The following CPSF4L variants were observed in gnomAD, a reference collection of about 807,000 sequenced individuals.
CPSF4L encodes the protein cleavage and polyadenylation specific factor 4 like, also known as putative cleavage and polyadenylation specificity factor subunit 4-like protein.
In CPSF4L, 18 loss-of-function variants were observed where a neutral mutation model predicts 24.0. The observed-to-expected ratio is 0.75, with a 90% confidence interval of 0.52 to 1.11. The LOEUF (loss-of-function observed/expected upper bound fraction) is 1.11. CPSF4L is among the 50% of genes least tolerant of loss of function. The pLI is 0.00. For synonymous variants in CPSF4L, 72 were observed against 77.2 expected, an observed-to-expected ratio of 0.93 and a Z score of 0.35; for missense variants, 211 against 221.8, an observed-to-expected ratio of 0.95 and a Z score of 0.31.
chr17:73,247,253 G>A (rs976601221), downstream of CPSF4L: 54 of 1,614,096 alleles, frequency 3.3e-5, no homozygotes, highest in Non-Finnish European at 3.9e-5. Flanking sequence ...AAATTGTGCC[G>A]ACCCCTGCCC....
At chr17:73,261,515 G>T (rs966456505) in intron 1 of CPSF4L, among the ~76,000 whole-genome samples, 52 of 152,210 alleles carry the variant, frequency 3.4e-4, no homozygotes, top group African/African-American at 1.1e-3. Flanking sequence ...CAAAAAATCA[G>T]CTGGGCGTGG....
chr17:73,261,449 C>T (rs1456943599), intron 1 of CPSF4L, among the ~76,000 whole-genome samples: 1 of 152,200 alleles, frequency 6.6e-6, no homozygotes, highest in Admixed American at 6.5e-5. Flanking sequence ...ATCACGAGGT[C>T]AGGAGATTGA....
At chr17:73,255,536 A>C (rs945047711) in intron 3 of CPSF4L, among the ~76,000 whole-genome samples, 30 of 146,848 alleles carry the variant, frequency 2.0e-4, no homozygotes, top group African/African-American at 7.3e-4. Context: ...AAAAAAAAGG[A>C]GAGTACCCCT....
chr17:73,261,821 TC>T lies in CPSF4L; in HGVS notation c.-4del. 6.4e-7 allele frequency: 1 copy of T among 1,550,766 alleles called. No homozygotes were observed. Reference sequence around the variant, plus strand: ...AGCCCCGCAATGACCTCTTGCATCTTCCGTCTCCTGCTGGGGCTGCGGAAGC... The same window carrying T: ...AGCCCCGCAATGACCTCTTGCATCTTCGTCTCCTGCTGGGGCTGCGGAAGC... On this transcript the variant is annotated 5_prime_UTR_variant, in exon 1 of 6. Transcript: ENST00000344935.
At chr17:73,249,434 G>C (rs2061993242) in intron 5 of CPSF4L, among the ~76,000 whole-genome samples, 1 of 152,154 alleles carries the variant, frequency 6.6e-6, no homozygotes, top group African/African-American at 2.4e-5. Flanking sequence ...GCTCTGTGCT[G>C]TTCATCACAT....
chr17:73,263,114 C>G (rs1275784637), upstream of CPSF4L, among the ~76,000 whole-genome samples: 1 of 152,272 alleles, frequency 6.6e-6, no homozygotes, highest in Non-Finnish European at 1.5e-5. Flanking sequence ...GGGTAGAAAC[C>G]CTGGCTTCTC....
intron 3 of CPSF4L, among the ~76,000 whole-genome samples, chr17:73,255,651 C>T (rs2062022296): frequency 6.6e-6 from 1 of 152,180 alleles, no homozygotes; most frequent in Admixed American, 6.5e-5. Flanking sequence ...CATTCAGCTT[C>T]CTCACGTTCA....
chr17:73,262,007 C>A, upstream of CPSF4L: 1 of 590,954 alleles, frequency 1.7e-6, no homozygotes, highest in Non-Finnish European at 3.0e-6. Context: ...CTGCCTCACC[C>A]GGCCCACCCA....
intron 3 of CPSF4L, among the ~76,000 whole-genome samples, chr17:73,256,898 G>A (rs1239594339): frequency 1.3e-5 from 2 of 152,190 alleles, no homozygotes; most frequent in Non-Finnish European, 2.9e-5. Context: ...ATGTTGGTGG[G>A]TACCTGTAAT....
At chr17:73,244,903 A>G (rs1199652649), downstream of CPSF4L, among the ~76,000 whole-genome samples, 1 of 152,216 alleles carries the variant, frequency 6.6e-6, no homozygotes, top group African/African-American at 2.4e-5. Flanking sequence ...ATCGTCCTGC[A>G]TAAATGGAGA....
chr17:73,254,028 T>C lies in CPSF4L; in HGVS notation c.308-2A>G. 2 of 1,550,510 alleles carry C rather than the reference T, an allele frequency of 1.3e-6. No individual in the cohort carries two copies. The highest frequency in any genetic ancestry group is 1.7e-6 in the Non-Finnish European group (2 of 1,145,944). ...AACACTCCTTGTTGCTGCAGTCACCTGAAAATCCCAGCACTCTCTGTAGAA... is the reference window on the plus strand; with the variant it reads ...AACACTCCTTGTTGCTGCAGTCACCCGAAAATCCCAGCACTCTCTGTAGAA... On this transcript the variant is annotated splice_acceptor_variant, in intron 3 of 5. Coordinates refer to ENST00000344935, the MANE Select transcript of CPSF4L (RefSeq NM_001129885.1). LOFTEE classifies it high-confidence loss of function.
chr17:73,258,440 G>A (rs746784061), intron 2 of CPSF4L, among the ~76,000 whole-genome samples: 2 of 151,918 alleles, frequency 1.3e-5, no homozygotes, highest in Non-Finnish European at 2.9e-5. Context: ...CAAGTAGCTG[G>A]GATTACACCT....
At chr17:73,254,817 G>A (rs2062018269) in intron 3 of CPSF4L, among the ~76,000 whole-genome samples, 1 of 152,098 alleles carries the variant, frequency 6.6e-6, no homozygotes, top group South Asian at 2.1e-4. Context: ...CTAATTTTTT[G>A]TATTTTAGTA....
Position 73,260,979 on chromosome 17 carries a change from C to T in CPSF4L, c.108G>A (p.Ser36=), listed in dbSNP as rs749354815. Residue 36 remains serine (S), a synonymous_variant, in exon 2 of 6, where the codon TCG becomes TCA. Coordinates refer to ENST00000344935, the MANE Select transcript of CPSF4L (RefSeq NM_001129885.1). ...TGAAGAAGTTGCACACAGCTGAGGC[C>T]GACTCTGGAAGGAGAAGAGGGAACG... ...GLLPFQGMDK[S]ASAVCNFFTK... 1.2e-5 allele frequency: 19 copies of T among 1,549,936 alleles called. No homozygotes were observed. The highest frequency in any genetic ancestry group is 1.7e-4 in the Middle Eastern group (1 of 6,010).
At chr17:73,252,198 G>A (rs2062008568) in intron 5 of CPSF4L, among the ~76,000 whole-genome samples, 2 of 152,174 alleles carry the variant, frequency 1.3e-5, no homozygotes, top group Non-Finnish European at 2.9e-5. Flanking sequence ...TTGGGACTAA[G>A]GGAAGTGGAG....
At chr17:73,243,465 T>C (rs2061888353), downstream of CPSF4L, among the ~76,000 whole-genome samples, 1 of 152,002 alleles carries the variant, frequency 6.6e-6, no homozygotes, top group Non-Finnish European at 1.5e-5. Flanking sequence ...GCTCCGGGGT[T>C]TTATTAGAGG....
chr17:73,255,514 A>C (rs2062021696), intron 3 of CPSF4L, among the ~76,000 whole-genome samples: 1 of 102,176 alleles, frequency 9.8e-6, no homozygotes, highest in African/African-American at 4.1e-5. Flanking sequence ...CTCCAAAAAA[A>C]GAAAAAAAAA....
Position 73,255,845 on chromosome 17 carries a change from TC to T in CPSF4L, c.308-1820del, listed in dbSNP as rs531443970. ...TTCTGCTGCGTGCACGTCTCTGCAT[TC>T]CTGGCCTGGCCAGCAGGTGGCAGCA... On this transcript the variant is annotated intron_variant, in intron 3 of 5. Coordinates refer to ENST00000344935, the MANE Select transcript of CPSF4L (RefSeq NM_001129885.1). Among the ~76,000 whole-genome samples, 232 of 152,268 alleles carry T rather than the reference TC, an allele frequency of 1.5e-3. 1 individual carries two copies. Among genetic ancestry groups the T allele is most frequent in the African/African-American group, 5.2e-3 (215 of 41,556 alleles).
intron 3 of CPSF4L, among the ~76,000 whole-genome samples, chr17:73,256,790 G>T (rs1484536424): frequency 6.6e-6 from 1 of 152,192 alleles, no homozygotes; most frequent in African/African-American, 2.4e-5. Context: ...ACTTAGGGAG[G>T]CCAAGGCAGG....
Sources: allele counts gnomAD v4.1 joint callset (sites outside exome capture counted in the v4.1 genomes callset), GRCh38; gene constraint gnomAD v4.1.1; transcripts MANE v1.5; gene names NCBI Gene and HGNC (gene_info 2026-07-23, HGNC 2026-07-21).